The following TCF7L1 variants were observed in gnomAD, a reference collection of about 807,000 sequenced individuals.
TCF7L1 encodes the protein transcription factor 7-like 1.
A neutral mutation model predicts 63.7 loss-of-function variants in TCF7L1; 18 were observed. The ratio of observed to expected loss-of-function variants is 0.28; its 90% CI spans 0.20 to 0.42. The LOEUF is 0.42. Ranked by LOEUF, TCF7L1 falls within the 10% of genes least tolerant of loss-of-function variation. The probability of loss-of-function intolerance (pLI) is 1.00; values close to 1 mark genes in which losing one functional copy is unlikely to be tolerated. For missense variants in TCF7L1, 654 were observed against 779.3 expected (o/e 0.84, Z 1.91); for synonymous variants, 355 against 340.9 (o/e 1.04, Z -0.46).
chr2:85,246,906 G>C (rs1025063282), intron 3 of TCF7L1, among the ~76,000 whole-genome samples: 8 of 152,164 alleles, frequency 5.3e-5, no homozygotes, highest in Admixed American at 5.2e-4. Flanking sequence ...GTCACCATAG[G>C]TCCTGGCTAC....
chr2:85,142,098 G>A (rs1677750828), intron 3 of TCF7L1, among the ~76,000 whole-genome samples: 1 of 152,132 alleles, frequency 6.6e-6, no homozygotes, highest in Non-Finnish European at 1.5e-5. Flanking sequence ...TTATTATCTG[G>A]AGCTGGCTGA....
chr2:85,141,598 G>A (rs1484778635), intron 3 of TCF7L1, among the ~76,000 whole-genome samples: 7 of 152,190 alleles, frequency 4.6e-5, no homozygotes, highest in Non-Finnish European at 8.8e-5. Flanking sequence ...GGGAGGAGCC[G>A]CAAGTTTGGG....
At chr2:85,257,572 C>T (rs955848474) in intron 3 of TCF7L1, among the ~76,000 whole-genome samples, 1 of 152,178 alleles carries the variant, frequency 6.6e-6, no homozygotes, top group Non-Finnish European at 1.5e-5. Flanking sequence ...TCCAAGGGCC[C>T]CCCTTGGAGT....
At chr2:85,305,474 A>G in intron 8 of TCF7L1, 71 bp downstream of exon 8, 1 of 1,520,268 alleles carries the variant, frequency 6.6e-7, no homozygotes, top group Non-Finnish European at 8.8e-7. Flanking sequence ...CACTCTGAGC[A>G]GCAAATGTCA....
At position 85,282,793 on chromosome 2, in the gene TCF7L1, ATT is replaced by A. The variant is rs1491326978; in HGVS notation, c.442-701_442-700del. Among the ~76,000 whole-genome samples, 29 of 56,616 alleles carry A rather than the reference ATT, an allele frequency of 5.1e-4. No individual in the cohort carries two copies. The South Asian group carries it at 0.015, about 30-fold the overall frequency. 37.1% of individuals were successfully genotyped at this position (56,616 alleles called of 152,430 possible). On this transcript the variant is annotated intron_variant, in intron 3 of 11. Transcript: ENST00000282111. The stretch of plus-strand genomic sequence containing the variant: ...TGTGCCATGCCAGAGAGAGAGAGAG[ATT>A]GTGTGTGTGTGTGTGTGTGTGTGTG...
intron 3 of TCF7L1, among the ~76,000 whole-genome samples, chr2:85,273,190 C>A (rs1681194332): frequency 6.6e-6 from 1 of 152,206 alleles, no homozygotes; most frequent in Non-Finnish European, 1.5e-5. Flanking sequence ...ACAGACTCAG[C>A]CTCAGCTCCT....
chr2:85,247,453 C>CT (rs1680492440), intron 3 of TCF7L1, among the ~76,000 whole-genome samples: 1 of 152,172 alleles, frequency 6.6e-6, no homozygotes, highest in South Asian at 2.1e-4. Flanking sequence ...CCAATGAGAC[C>CT]TTTTGTTTTT....
chr2:85,209,565 A>G (rs1483960916), intron 3 of TCF7L1, among the ~76,000 whole-genome samples: 1 of 152,196 alleles, frequency 6.6e-6, no homozygotes, highest in African/African-American at 2.4e-5. Context: ...ATGCTCAGGA[A>G]CTTCAAACCT....
At chr2:85,179,784 G>T (rs1417579191) in intron 3 of TCF7L1, among the ~76,000 whole-genome samples, 2 of 152,112 alleles carry the variant, frequency 1.3e-5, no homozygotes, top group African/African-American at 4.8e-5. Context: ...AATTTGATGA[G>T]CTAAGCATTT....
chr2:85,293,827 T>G (rs966508428), intron 4 of TCF7L1, among the ~76,000 whole-genome samples: 2 of 152,134 alleles, frequency 1.3e-5, no homozygotes, highest in African/African-American at 4.8e-5. Context: ...AAAATTAGAA[T>G]TTCTCTTGGT....
At chr2:85,253,299 T>C (rs7580690) in intron 3 of TCF7L1, among the ~76,000 whole-genome samples, 31,806 of 151,282 alleles carry the variant, frequency 0.21, 3,510 homozygotes, top group Middle Eastern at 0.26. Context: ...CAGTCAGAAG[T>C]GTGATTGTCG....
intron 3 of TCF7L1, among the ~76,000 whole-genome samples, chr2:85,239,212 C>T (rs941360599): frequency 6.6e-6 from 1 of 152,122 alleles, no homozygotes; most frequent in Non-Finnish European, 1.5e-5. Context: ...TGGACCAGCC[C>T]GCCAGGCTGA....
intron 3 of TCF7L1, among the ~76,000 whole-genome samples, chr2:85,139,624 T>C (rs1418527699): frequency 6.6e-6 from 1 of 152,232 alleles, no homozygotes; most frequent in Non-Finnish European, 1.5e-5. Flanking sequence ...ATCCAGGTAA[T>C]TCTTGTTAAT....
intron 3 of TCF7L1, among the ~76,000 whole-genome samples, chr2:85,247,099 G>T (rs536009733): frequency 6.6e-6 from 1 of 152,278 alleles, no homozygotes; most frequent in African/African-American, 2.4e-5. Flanking sequence ...CTGTCTTTTT[G>T]CAGGTGCTTG....
chr2:85,309,658 A>C lies in TCF7L1; in HGVS notation c.*196A>C. The C allele has an allele frequency of 2.0e-6, 1 of 489,398 alleles. No homozygotes were observed. Among genetic ancestry groups the C allele is most frequent in the Non-Finnish European group, 3.4e-6 (1 of 292,440 alleles). 30.3% of individuals were successfully genotyped at this position (489,398 alleles called of 1,614,324 possible). A position where few individuals can be genotyped will look rare whatever the true frequency, so the allele number is the denominator to read the frequency against. ...TAAGGCTTTTTTAAAAAACAAAACA[A>C]AACAACAAAAAAAAATCTTTATAAG... On this transcript the variant is annotated 3_prime_UTR_variant, in exon 12 of 12. Coordinates refer to ENST00000282111, the MANE Select transcript of TCF7L1 (RefSeq NM_031283.3).
chr2:85,141,205 A>T (rs62162830), intron 3 of TCF7L1, among the ~76,000 whole-genome samples: 12,015 of 120,700 alleles, frequency 0.1, 542 homozygotes, highest in Middle Eastern at 0.12. Context: ...ACTGCACCCC[A>T]GCTTGGGTGA....
intron 3 of TCF7L1, among the ~76,000 whole-genome samples, chr2:85,177,461 T>G (rs946739598): frequency 1.3e-5 from 2 of 152,166 alleles, no homozygotes; most frequent in Non-Finnish European, 2.9e-5. Context: ...TCCCAGCACT[T>G]TGGGAGGTCG....
chr2:85,226,974 C>G (rs2104307304), intron 3 of TCF7L1, among the ~76,000 whole-genome samples: 1 of 152,268 alleles, frequency 6.6e-6, no homozygotes, highest in Non-Finnish European at 1.5e-5. Flanking sequence ...AATAGCACCG[C>G]TGCCGCCGTT....
At chr2:85,140,274 C>G (rs1430926623) in intron 3 of TCF7L1, among the ~76,000 whole-genome samples, 1 of 152,134 alleles carries the variant, frequency 6.6e-6, no homozygotes, top group East Asian at 1.9e-4. Context: ...ATGAGAGGCT[C>G]TCATTGGGAG....
Sources: allele counts gnomAD v4.1 joint callset (sites outside exome capture counted in the v4.1 genomes callset), GRCh38; gene constraint gnomAD v4.1.1; transcripts MANE v1.5; gene names NCBI Gene and HGNC (gene_info 2026-07-23, HGNC 2026-07-21).